Variants in LGSN observed in about 807,000 individuals in gnomAD.
LGSN encodes the protein lengsin, lens protein with glutamine synthetase domain.
A neutral mutation model predicts 19.5 loss-of-function variants in LGSN; 21 were observed. That is an observed-to-expected ratio of 1.07 (90% CI 0.76 to 1.55). The LOEUF (loss-of-function observed/expected upper bound fraction) is 1.55, where lower values mean the gene tolerates loss of function less well. LGSN is among the 40% of genes most tolerant of loss of function. The pLI, the probability that LGSN is intolerant of heterozygous loss-of-function variation, is 0.00. For synonymous variants in LGSN, 257 were observed against 215.6 expected (o/e 1.19, Z -1.68); for missense variants, 673 against 608.5 (o/e 1.11, Z -1.12).
chr6:63,528,591 C>T, the LGSN span, among the ~76,000 whole-genome samples: 1 of 151,734 alleles, frequency 6.6e-6, no homozygotes, highest in Admixed American at 6.6e-5. Context: ...ATTAGCCAGC[C>T]ATGAAAAACT....
the LGSN span, among the ~76,000 whole-genome samples, chr6:63,518,471 G>C: frequency 6.6e-6 from 1 of 152,164 alleles, no homozygotes; most frequent in South Asian, 2.1e-4. Flanking sequence ...ATCCAACAGA[G>C]GTAAAGGATA....
chr6:63,282,566 A>G (rs1767362942), intron 3 of LGSN, among the ~76,000 whole-genome samples: 1 of 152,174 alleles, frequency 6.6e-6, no homozygotes, highest in Non-Finnish European at 1.5e-5. Flanking sequence ...AAGCATGGCT[A>G]TCAAAGAGGG....
chr6:63,561,882 T>G, the LGSN span, among the ~76,000 whole-genome samples: 1 of 152,208 alleles, frequency 6.6e-6, no homozygotes, highest in Non-Finnish European at 1.5e-5. Context: ...CAGGTTAGGA[T>G]AACCTGGTGC....
the LGSN span, among the ~76,000 whole-genome samples, chr6:63,492,288 T>A: frequency 6.6e-6 from 1 of 152,226 alleles, no homozygotes; most frequent in Admixed American, 6.5e-5. Context: ...ATAAATGTGT[T>A]GCCAGCCATC....
intron 1 of LGSN, among the ~76,000 whole-genome samples, chr6:63,319,606 C>G (rs1185837513): frequency 6.6e-6 from 1 of 151,128 alleles, no homozygotes; most frequent in Non-Finnish European, 1.5e-5. Flanking sequence ...CAATAACAAC[C>G]AAAATAGAAA....
chr6:63,399,690 C>A, the LGSN span, among the ~76,000 whole-genome samples: 1 of 151,014 alleles, frequency 6.6e-6, no homozygotes, highest in Non-Finnish European at 1.5e-5. Flanking sequence ...GCCACTGCAC[C>A]CGGCCATCAT....
the LGSN span, among the ~76,000 whole-genome samples, chr6:63,524,477 T>A: frequency 6.6e-6 from 1 of 152,194 alleles, no homozygotes. Context: ...AAGTGAGAAC[T>A]TCAAGGTAGT....
At chr6:63,454,325 T>C in the LGSN span, among the ~76,000 whole-genome samples, 1 of 152,200 alleles carries the variant, frequency 6.6e-6, no homozygotes, top group African/African-American at 2.4e-5. Context: ...AATAAATTCT[T>C]ACCACATTTC....
upstream of LGSN, among the ~76,000 whole-genome samples, chr6:63,323,118 TGTG>T (rs1350199262): frequency 5.2e-3 from 792 of 152,360 alleles, no homozygotes; most frequent in African/African-American, 0.017. Context: ...TGAAGTCAGT[TGTG>T]AAAGTGGAAG....
the LGSN span, among the ~76,000 whole-genome samples, chr6:63,351,106 G>T: frequency 6.6e-6 from 1 of 152,050 alleles, no homozygotes; most frequent in Non-Finnish European, 1.5e-5. Context: ...TGGGATTAGT[G>T]TCTTTATAAA....
At chr6:63,537,656 T>C in the LGSN span, among the ~76,000 whole-genome samples, 1 of 152,246 alleles carries the variant, frequency 6.6e-6, no homozygotes, top group South Asian at 2.1e-4. Flanking sequence ...AAAAGAAGTG[T>C]GAAACCACAA....
At chr6:63,499,024 T>G in the LGSN span, among the ~76,000 whole-genome samples, 1 of 152,146 alleles carries the variant, frequency 6.6e-6, no homozygotes, top group Non-Finnish European at 1.5e-5. Flanking sequence ...TCCCAAATCC[T>G]ACATTCTTTA....
the LGSN span, among the ~76,000 whole-genome samples, chr6:63,412,702 A>AG: frequency 8.1e-6 from 1 of 123,712 alleles, no homozygotes; most frequent in African/African-American, 3.7e-5. Flanking sequence ...AAAGAAAGAA[A>AG]GAAAGAGGGA....
the LGSN span, among the ~76,000 whole-genome samples, chr6:63,356,195 T>G: frequency 9.2e-5 from 14 of 152,302 alleles, no homozygotes; most frequent in South Asian, 2.5e-3. Flanking sequence ...GGACTTCAAG[T>G]TATCGTTTTG....
At chr6:63,409,067 C>T in the LGSN span, among the ~76,000 whole-genome samples, 9 of 152,136 alleles carry the variant, frequency 5.9e-5, no homozygotes, top group East Asian at 1.9e-4. Flanking sequence ...CACACCATCA[C>T]GCCCAGCTAC....
chr6:63,534,488 T>C, the LGSN span, among the ~76,000 whole-genome samples: 5 of 133,434 alleles, frequency 3.7e-5, no homozygotes, highest in Admixed American at 7.5e-5. Context: ...CACACACACC[T>C]CTAAAACTGG....
chr6:63,542,610 T>C, the LGSN span, among the ~76,000 whole-genome samples: 1 of 152,146 alleles, frequency 6.6e-6, no homozygotes, highest in Non-Finnish European at 1.5e-5. Context: ...TCTAACCTTA[T>C]TCCATTTAAT....
At chr6:63,369,670 T>C in the LGSN span, among the ~76,000 whole-genome samples, 1 of 152,152 alleles carries the variant, frequency 6.6e-6, no homozygotes, top group South Asian at 2.1e-4. Context: ...ATATTGAGTT[T>C]ACAGAATTCT....
chr6:63,504,788 T>C, the LGSN span, among the ~76,000 whole-genome samples: 1 of 152,196 alleles, frequency 6.6e-6, no homozygotes, highest in African/African-American at 2.4e-5. Context: ...AGAAGCTCCT[T>C]ATCAATGCTT....
Sources: allele counts gnomAD v4.1 joint callset (sites outside exome capture counted in the v4.1 genomes callset), GRCh38; gene constraint gnomAD v4.1.1; transcripts MANE v1.5; gene names NCBI Gene and HGNC (gene_info 2026-07-23, HGNC 2026-07-21).